LARP4B: variants seen among roughly 807,000 people sequenced by gnomAD.
The protein encoded by LARP4B is La ribonucleoprotein 4B.
LARP4B carries 12 observed loss-of-function variants against 89.8 expected under a neutral mutation model. The observed-to-expected ratio is 0.13, with a 90% confidence interval of 0.09 to 0.22. The LOEUF is 0.22. LARP4B is among the 10% of genes least tolerant of loss of function. The pLI, the probability that LARP4B is intolerant of heterozygous loss-of-function variation, is 1.00. For missense variants in LARP4B, 757 were observed against 947.7 expected (o/e 0.80, Z 2.64); for synonymous variants, 367 against 363.3 (o/e 1.01, Z -0.12).
Position 900,499 on chromosome 10 carries a change from G to A in LARP4B, c.-39-14739C>T, listed in dbSNP as rs932539097. On this transcript the variant is annotated intron_variant, in intron 1 of 17. Transcript: ENST00000316157. ...CACCCATGCTGGAGTGCAGTGGCCC[G>A]ATCTCAATTCATTGCAGCCTCGACC... is the stretch of plus-strand genomic sequence containing the variant. Among the ~76,000 whole-genome samples the A allele has an allele frequency of 4.2e-5, 5 of 119,900 alleles. No individual in the cohort carries two copies. In the East Asian group the frequency reaches 7.7e-4, roughly 19 times the overall value. The allele number at this position is 119,900 out of a possible 152,430, so 78.7% of individuals were successfully genotyped here.
In LARP4B at chr10:868,583, C is replaced by A. The variant is rs1335093927; in HGVS notation, c.142-4313G>T. ...TCTTTGTTGATGTCTGAGGCAGTGA[C>A]ACTGGTAACTAACTGAAAATTATGT... On this transcript the variant is annotated intron_variant, in intron 3 of 17. Coordinates refer to ENST00000316157, the MANE Select transcript of LARP4B (RefSeq NM_015155.3). 2.0e-5 allele frequency among the ~76,000 whole-genome samples: 3 copies of A among 152,192 alleles called. No homozygotes were observed. In the East Asian group the frequency reaches 5.8e-4, roughly 29 times the overall value.
intron 9 of LARP4B, among the ~76,000 whole-genome samples, chr10:830,379 T>C (rs1832840364): frequency 6.6e-6 from 1 of 152,240 alleles, no homozygotes; most frequent in Admixed American, 6.5e-5. Flanking sequence ...CCCCACATAC[T>C]GTTTATACCA....
the LARP4B span, among the ~76,000 whole-genome samples, chr10:966,333 G>A: frequency 1.3e-5 from 2 of 152,156 alleles, no homozygotes; most frequent in Non-Finnish European, 2.9e-5. Context: ...GCGCACACCT[G>A]TAGTCCCAAC....
intron 1 of LARP4B, among the ~76,000 whole-genome samples, chr10:925,746 C>G (rs1050487725): frequency 6.6e-6 from 1 of 152,248 alleles, no homozygotes; most frequent in African/African-American, 2.4e-5. Context: ...GTTGGCCAGG[C>G]TGGTCTCGAA....
At chr10:947,298 T>G in the LARP4B span, among the ~76,000 whole-genome samples, 170 of 152,202 alleles carry the variant, frequency 1.1e-3, no homozygotes, top group African/African-American at 3.9e-3. Context: ...CTGTTCTGCT[T>G]CTTTCAGGCA....
chr10:892,944 T>A (rs1424724101), intron 1 of LARP4B, among the ~76,000 whole-genome samples: 1 of 146,954 alleles, frequency 6.8e-6, no homozygotes, highest in East Asian at 2.0e-4. Flanking sequence ...AGAGTCTTGC[T>A]CTGTCACCCA....
At chr10:889,758 C>T (rs1023417384) in intron 1 of LARP4B, among the ~76,000 whole-genome samples, 7 of 152,106 alleles carry the variant, frequency 4.6e-5, no homozygotes, top group Admixed American at 3.3e-4. Flanking sequence ...AAGACCAGAC[C>T]GGCCAAAGTG....
At chr10:841,209 G>T (rs114937236) in intron 7 of LARP4B, among the ~76,000 whole-genome samples, 1 of 152,096 alleles carries the variant, frequency 6.6e-6, no homozygotes, top group Non-Finnish European at 1.5e-5. Context: ...AGTAAGATGA[G>T]AACTTTGCTC....
At chr10:984,154 C>T in the LARP4B span, among the ~76,000 whole-genome samples, 1 of 152,320 alleles carries the variant, frequency 6.6e-6, no homozygotes, top group African/African-American at 2.4e-5. Flanking sequence ...GAGGGTCAGA[C>T]ATCACAACCA....
At chr10:936,404 A>G (rs562409567), upstream of LARP4B, among the ~76,000 whole-genome samples, 3 of 152,224 alleles carry the variant, frequency 2.0e-5, no homozygotes, top group South Asian at 4.1e-4. Flanking sequence ...AGGTGGGAAG[A>G]AGGAGGCAGT....
chr10:933,631 A>G (rs1830712725), upstream of LARP4B, among the ~76,000 whole-genome samples: 1 of 152,160 alleles, frequency 6.6e-6, no homozygotes, highest in African/African-American at 2.4e-5. Context: ...CATTTCCTTT[A>G]ATATTAAAAG....
chr10:846,919 C>T (rs1385770701), intron 5 of LARP4B, among the ~76,000 whole-genome samples: 4 of 152,174 alleles, frequency 2.6e-5, no homozygotes, highest in East Asian at 3.9e-4. Context: ...CACTAGGATA[C>T]TGTGAAGTTA....
At chr10:936,103 C>CA (rs1199675940), upstream of LARP4B, among the ~76,000 whole-genome samples, 1 of 152,080 alleles carries the variant, frequency 6.6e-6, no homozygotes, top group African/African-American at 2.4e-5. Context: ...CCGCATTGCT[C>CA]AAAAATTCAT....
At chr10:966,712 C>T in the LARP4B span, among the ~76,000 whole-genome samples, 2 of 152,244 alleles carry the variant, frequency 1.3e-5, no homozygotes, top group Non-Finnish European at 2.9e-5. Flanking sequence ...TGCTCCTCCA[C>T]CTCTCACAGA....
intron 1 of LARP4B, among the ~76,000 whole-genome samples, chr10:909,022 C>T (rs564203985): frequency 2.3e-4 from 35 of 152,036 alleles, no homozygotes; most frequent in East Asian, 9.7e-4. Flanking sequence ...CGGCCAGGCG[C>T]GGTGGCTCAT....
At chr10:832,033 T>C (rs1832931595) in intron 8 of LARP4B, among the ~76,000 whole-genome samples, 1 of 152,160 alleles carries the variant, frequency 6.6e-6, no homozygotes, top group South Asian at 2.1e-4. Context: ...TTGTTTTTAT[T>C]TTTTATTTTT....
rs56896752 is a variant in LARP4B, at chr10:859,276, CAAA to C, written c.430+4464_430+4466del. Among the ~76,000 whole-genome samples the C allele has an allele frequency of 2.1e-5, 3 of 141,472 alleles. No individual in the cohort carries two copies. The South Asian group carries it at 6.8e-4, about 32-fold the overall frequency. The allele number at this position is 141,472 out of a possible 152,430, so 92.8% of individuals were successfully genotyped here. A position where few individuals can be genotyped will look rare whatever the true frequency, so the allele number is the denominator to read the frequency against. On this transcript the variant is annotated intron_variant, in intron 5 of 17. Coordinates refer to ENST00000316157, the MANE Select transcript of LARP4B (RefSeq NM_015155.3). ...CCTGGGCAACAGAATTATTCCATTT[CAAA>C]AAAAAAAAAAAATCAGAAAATAACA...
At chr10:873,665 A>G (rs567569249) in intron 3 of LARP4B, among the ~76,000 whole-genome samples, 1 of 152,248 alleles carries the variant, frequency 6.6e-6, no homozygotes, top group East Asian at 1.9e-4. Context: ...TCTGAAATAA[A>G]TAGCAATTTA....
chr10:814,646 T>A lies in LARP4B; in HGVS notation c.1929+96A>T. 6.4e-7 allele frequency: 1 copy of A among 1,551,012 alleles called. No homozygotes were observed. Among genetic ancestry groups the A allele is most frequent in the East Asian group, 2.4e-5 (1 of 40,906 alleles). ...GCAAATAAAAACCCACCAAATTAGA[T>A]GTGATTAAAAAACGAGCAGGTGCAG... is the stretch of plus-strand genomic sequence containing the variant. On this transcript the variant is annotated intron_variant, in intron 17 of 17. Coordinates refer to ENST00000316157, the MANE Select transcript of LARP4B (RefSeq NM_015155.3). This position sits in a 1 kb window ranked among gnomAD's most constrained non-coding sequence, Gnocchi z 4.4.
Sources: gnomAD v4.1 joint callset for allele counts (sites outside exome capture counted in the v4.1 genomes callset) on GRCh38, gnomAD v4.1.1 for gene constraint, Gnocchi (gnomAD v3.1) non-coding constraint, MANE v1.5 for transcripts, NCBI Gene and HGNC (gene_info 2026-07-23, HGNC 2026-07-21) for gene names.